KCNT1: variants seen among roughly 807,000 people sequenced by gnomAD.
KCNT1 encodes potassium channel subfamily T member 1.
Under a neutral mutation model 147.8 loss-of-function variants are expected in KCNT1, and 78 were observed. That is an observed-to-expected ratio of 0.53 (90% CI 0.44 to 0.64). The LOEUF (loss-of-function observed/expected upper bound fraction) is 0.64, where lower values mean the gene tolerates loss of function less well. Among genes scored for constraint, KCNT1 ranks in the 30% least tolerant of loss-of-function variants. The pLI is 0.00. For synonymous variants in KCNT1, 867 were observed against 748.8 expected (o/e 1.16, Z -2.58); for missense variants, 1,419 against 1,750.3 (o/e 0.81, Z 3.38).
At chr9:135,751,750 C>G (rs1016651494) in intron 4 of KCNT1, among the ~76,000 whole-genome samples, 1 of 152,202 alleles carries the variant, frequency 6.6e-6, no homozygotes, top group African/African-American at 2.4e-5. Flanking sequence ...CTGCGGCCCT[C>G]GGTGCCGGCC....
Position 135,771,105 on chromosome 9 carries a change from G to C in KCNT1, c.2008+10G>C, listed in dbSNP as rs752453368. 150 of 1,605,174 alleles carry C rather than the reference G, an allele frequency of 9.3e-5. No individual in the cohort carries two copies. The Admixed American group carries it at 2.1e-3, about 22-fold the overall frequency. ...ATCATCGCCTCCATGGGTGAGCCGG[G>C]ACAGGCGCGCGGGACTCCCTGGGCC... On this transcript the variant is annotated intron_variant, in intron 18 of 30. Transcript: ENST00000371757.
At chr9:135,765,546 AAC>A (rs1050279606) in intron 12 of KCNT1, 76 bp from the exon 13 acceptor site, 2 of 1,482,846 alleles carry the variant, frequency 1.3e-6, no homozygotes, top group East Asian at 2.3e-5. Flanking sequence ...GGTGGGCACA[AAC>A]ACAGTCCTGA....
chr9:135,717,449 G>T (rs1835766123), intron 2 of KCNT1, among the ~76,000 whole-genome samples: 1 of 152,148 alleles, frequency 6.6e-6, no homozygotes, highest in African/African-American at 2.4e-5. Flanking sequence ...AAGGTGGGGG[G>T]CTGCTGGTCG....
In KCNT1 at chr9:135,752,553, C is replaced by G. The variant is rs932151978; in HGVS notation, c.435-1384C>G. 9 of 409,230 alleles carry G rather than the reference C, an allele frequency of 2.2e-5. No individual in the cohort carries two copies. The highest frequency in any genetic ancestry group is 3.4e-5 in the Non-Finnish European group (7 of 205,622). The allele number at this position is 409,230 out of a possible 1,614,324, so 25.3% of individuals were successfully genotyped here. On this transcript the variant is annotated intron_variant, in intron 4 of 30. Coordinates refer to ENST00000371757, the MANE Select transcript of KCNT1 (RefSeq NM_020822.3). This position sits in a 1 kb window ranked among gnomAD's most constrained non-coding sequence, Gnocchi z 5.1. ...GTTGTGTTCACTGCCCGTCCCCTAG[C>G]ACAGCGTCCAGGACATGGATGGGGG...
At chr9:135,749,403 A>G (rs1831023356) in intron 2 of KCNT1, among the ~76,000 whole-genome samples, 1 of 152,080 alleles carries the variant, frequency 6.6e-6, no homozygotes, top group Admixed American at 6.5e-5. Context: ...GCTGGGTGGT[A>G]GGCCCCATGA....
rs905540126 is a variant in KCNT1, at chr9:135,754,983, G to C, written c.492-138G>C. The C allele has an allele frequency of 1.4e-5, 9 of 653,426 alleles. No individual in the cohort carries two copies. The East Asian group carries it at 2.8e-4, about 20-fold the overall frequency. The allele number at this position is 653,426 out of a possible 1,614,324, so 40.5% of individuals were successfully genotyped here. A position where few individuals can be genotyped will look rare whatever the true frequency, so the allele number is the denominator to read the frequency against. On this transcript the variant is annotated intron_variant, in intron 5 of 30. Transcript: ENST00000371757. ...TATGGTCCCCTCCAAAGGCAAGGTA[G>C]GCTCCTTTGGTCCAGCCCCAATGAG...
chr9:135,712,862 G>GC (rs1384841006), intron 1 of KCNT1, among the ~76,000 whole-genome samples: 3 of 152,270 alleles, frequency 2.0e-5, no homozygotes, highest in Non-Finnish European at 4.4e-5. Context: ...GCTCGCTCAA[G>GC]TGTCAAAGCA....
chr9:135,771,318 C>CA, intron 18 of KCNT1: 1 of 601,950 alleles, frequency 1.7e-6, no homozygotes, highest in Non-Finnish European at 2.9e-6. Context: ...CCGGGCAGGG[C>CA]AGGAGACCAG....
chr9:135,791,623 T>G (rs941710312), intron 29 of KCNT1, 174 bp from the exon 30 acceptor site: 2 of 607,486 alleles, frequency 3.3e-6, no homozygotes. Flanking sequence ...ATGGGACAGG[T>G]GTCGGTCAGG....
intron 9 of KCNT1, among the ~76,000 whole-genome samples, chr9:135,758,003 G>A (rs987263500): frequency 6.6e-6 from 1 of 152,120 alleles, no homozygotes; most frequent in African/African-American, 2.4e-5. Context: ...AGGCAAGATG[G>A]GGACCCGTCC....
At chr9:135,762,919 A>C (rs1832008935) in intron 11 of KCNT1, among the ~76,000 whole-genome samples, 1 of 152,266 alleles carries the variant, frequency 6.6e-6, no homozygotes, top group Non-Finnish European at 1.5e-5. Flanking sequence ...ACAGCCCAGC[A>C]GCCTGCACGC....
In KCNT1 at chr9:135,752,641, G is replaced by A. The variant is rs568931740; in HGVS notation, c.435-1296G>A. Among the ~76,000 whole-genome samples, 155 of 143,580 alleles carry A rather than the reference G, an allele frequency of 1.1e-3. No individual in the cohort carries two copies. The highest frequency in any genetic ancestry group is 4.0e-3 in the African/African-American group (137 of 33,918). 94.2% of individuals were successfully genotyped at this position (143,580 alleles called of 152,430 possible). On this transcript the variant is annotated intron_variant, in intron 4 of 30. Transcript: ENST00000371757. The surrounding 1 kb of genome is among the most constrained non-coding windows in gnomAD (Gnocchi z 5.1). ...GATGGTGGATGATGGATGGATGGAC[G>A]GACGGACGGATGGACGGATGGATGG... is the stretch of plus-strand genomic sequence containing the variant.
intron 18 of KCNT1, among the ~76,000 whole-genome samples, chr9:135,771,974 C>T (rs556492716): frequency 6.6e-6 from 1 of 152,322 alleles, no homozygotes; most frequent in East Asian, 1.9e-4. Context: ...TGGTTCAGTG[C>T]AGTGGGGCAC....
Position 135,792,392 on chromosome 9 carries a change from C to G in KCNT1, c.*231C>G. ...AGTTTTTTAACCTATTTTTACACGTCGATGCAGTCCACTTCTCTTTACACA... is the reference window on the plus strand; with the variant it reads ...AGTTTTTTAACCTATTTTTACACGTGGATGCAGTCCACTTCTCTTTACACA... On this transcript the variant is annotated 3_prime_UTR_variant, in exon 31 of 31. Transcript: ENST00000371757. 1 of 469,856 alleles carries G rather than the reference C, an allele frequency of 2.1e-6. No individual in the cohort carries two copies. The highest frequency in any genetic ancestry group is 3.9e-6 in the Non-Finnish European group (1 of 257,648). 29.1% of individuals were successfully genotyped at this position (469,856 alleles called of 1,614,324 possible).
intron 2 of KCNT1, among the ~76,000 whole-genome samples, chr9:135,728,547 C>G (rs185001754): frequency 6.6e-6 from 1 of 152,178 alleles, no homozygotes; most frequent in Non-Finnish European, 1.5e-5. Context: ...CGCCCTGTTC[C>G]GGGGGAACAG....
intron 2 of KCNT1, among the ~76,000 whole-genome samples, 174 bp from the exon 3 acceptor site, chr9:135,749,924 G>A (rs936710964): frequency 3.3e-5 from 5 of 152,126 alleles, no homozygotes; most frequent in African/African-American, 4.8e-5. Flanking sequence ...TGGGTGTGAC[G>A]GACCCCAGGA....
chr9:135,722,700 A>G (rs1835971696), intron 2 of KCNT1, among the ~76,000 whole-genome samples: 1 of 152,196 alleles, frequency 6.6e-6, no homozygotes, highest in African/African-American at 2.4e-5. Flanking sequence ...AGCATCTCTC[A>G]GGCTTGCACG....
chr9:135,791,577 AGCTGCCCTCCTG>A, intron 29 of KCNT1: 1 of 549,668 alleles, frequency 1.8e-6, no homozygotes, highest in South Asian at 2.1e-5. Context: ...GCTGGCTCCC[AGCTGCCCTCCTG>A]GCTGTCCCCT....
intron 24 of KCNT1, among the ~76,000 whole-genome samples, chr9:135,781,410 C>T (rs984815348): frequency 2.0e-5 from 3 of 152,092 alleles, no homozygotes; most frequent in African/African-American, 7.2e-5. Flanking sequence ...ATCCGCCTCC[C>T]CAGCATGCAA....
Sources: gnomAD v4.1 joint callset for allele counts (sites outside exome capture counted in the v4.1 genomes callset) on GRCh38, gnomAD v4.1.1 for gene constraint, Gnocchi (gnomAD v3.1) non-coding constraint, MANE v1.5 for transcripts, NCBI Gene and HGNC (gene_info 2026-07-23, HGNC 2026-07-21) for gene names.